The following GCC2 variants were observed in gnomAD, a reference collection of about 807,000 sequenced individuals.
GCC2 encodes the protein GRIP and coiled-coil domain containing 2.
Under a neutral mutation model 210.6 loss-of-function variants are expected in GCC2, and 120 were observed. The observed-to-expected ratio is 0.57, with a 90% CI of 0.49 to 0.66. The LOEUF (loss-of-function observed/expected upper bound fraction) is 0.66, where lower values mean the gene tolerates loss of function less well. GCC2 is among the 30% of genes least tolerant of loss of function. The pLI, the probability that GCC2 is intolerant of heterozygous loss-of-function variation, is 0.00. For synonymous variants in GCC2, 703 were observed against 652.7 expected, an observed-to-expected ratio of 1.08 and a Z score of -1.17; for missense variants, 1,868 against 1,871.9, an observed-to-expected ratio of 1.00 and a Z score of 0.04.
At chr2:108,450,910 G>A in intron 2 of GCC2, 118 bp from the exon 3 acceptor site, 1 of 678,012 alleles carries the variant, frequency 1.5e-6, no homozygotes, top group Non-Finnish European at 2.6e-6. Flanking sequence ...AAAGTATGCG[G>A]TTGGCATAAA....
intron 22 of GCC2, among the ~76,000 whole-genome samples, chr2:108,506,928 T>G (rs995864781): frequency 5.3e-5 from 8 of 152,068 alleles, no homozygotes; most frequent in Non-Finnish European, 1.0e-4. Flanking sequence ...CATTTCTGCA[T>G]GATTTTCATA....
In GCC2 at chr2:108,490,709, T is replaced by C. The variant is rs115335625; in HGVS notation, c.4229+695T>C. Among the ~76,000 whole-genome samples, 800 of 152,356 alleles carry C rather than the reference T, an allele frequency of 5.3e-3. 7 individuals are homozygous for C. The highest frequency in any genetic ancestry group is 0.018 in the African/African-American group (751 of 41,586). On this transcript the variant is annotated intron_variant, in intron 18 of 22. Coordinates refer to ENST00000309863, the MANE Select transcript of GCC2 (RefSeq NM_181453.4). ...AACAGTGTAATTTGCATGTTAATCATGTAAACCAAAAGTTTCAGGGAAGAT... is the reference window on the plus strand; with the variant it reads ...AACAGTGTAATTTGCATGTTAATCACGTAAACCAAAAGTTTCAGGGAAGAT...
At position 108,492,653 on chromosome 2, in the gene GCC2, A is replaced by G. The variant is rs1682462658; in HGVS notation, c.4310A>G (p.Glu1437Gly). 1.2e-6 allele frequency: 2 copies of G among 1,613,824 alleles called. No homozygotes were observed. Among genetic ancestry groups the G allele is most frequent in the East Asian group, 4.5e-5 (2 of 44,876 alleles). ...QTVSQLTSQNEVLRNSFRDQV... is the reference protein window; with the variant it reads ...QTVSQLTSQNGVLRNSFRDQV... ...GTGAGTCAGCTAACATCCCAGAACG[A>G]GGTCCTTCGAAATAGCTTCCGAGAT... Residue 1437 changes from glutamate to glycine, a missense_variant, in exon 19 of 23, where the codon GAG becomes GGG. Glu to Gly is a moderately conservative substitution (Grantham distance 98, BLOSUM62 -2). Around this residue, in one of 3 missense-constraint regions of GCC2, gnomAD observed 1,847 missense variants for 1,765.2 expected, o/e 1.05. Coordinates refer to ENST00000309863, the MANE Select transcript of GCC2 (RefSeq NM_181453.4).
rs777248644 is a variant in GCC2, at chr2:108,481,826, TAATA to T, written c.3180+14_3180+17del. 7.1e-6 allele frequency: 11 copies of T among 1,540,178 alleles called. No homozygotes were observed. The highest frequency in any genetic ancestry group is 4.2e-5 in the African/African-American group (3 of 71,628). On this transcript the variant is annotated intron_variant, in intron 10 of 22. Transcript: ENST00000309863. ...AAATTCGACTTTGCAGGTAATTTTT[TAATA>T]AATCCAAAAATGAAAACTATAACAG...
At chr2:108,487,131 A>G (rs1192015406) in intron 16 of GCC2, among the ~76,000 whole-genome samples, 1 of 152,200 alleles carries the variant, frequency 6.6e-6, no homozygotes, top group East Asian at 1.9e-4. Flanking sequence ...CTAGAACTTA[A>G]CACTTAACCA....
At position 108,471,321 on chromosome 2, in the gene GCC2, A is replaced by G. The variant is rs576244953; in HGVS notation, c.1992A>G (p.Gln664=). 6.0e-5 allele frequency: 97 copies of G among 1,611,956 alleles called. No homozygotes were observed. In the South Asian group the frequency reaches 1.0e-3, roughly 17 times the overall value. ...TAAAAGAAAAGGATCAAAATGACCAAAAACTAGAAAAACTTATGGTTCAAA... is the reference window on the plus strand; with the variant it reads ...TAAAAGAAAAGGATCAAAATGACCAGAAACTAGAAAAACTTATGGTTCAAA... ...ETLKEKDQND[Q]KLEKLMVQMK... Residue 664 remains glutamine (Q), a synonymous_variant, in exon 6 of 23, where the codon CAA becomes CAG. Coordinates refer to ENST00000309863, the MANE Select transcript of GCC2 (RefSeq NM_181453.4).
Position 108,489,827 on chromosome 2 carries a change from T to G in GCC2, c.4053-11T>G, listed in dbSNP as rs1278158453. 13 of 1,577,094 alleles carry G rather than the reference T, an allele frequency of 8.2e-6. No homozygotes were observed. Among genetic ancestry groups the G allele is most frequent in the South Asian group, 5.8e-5 (5 of 85,558 alleles). ...TTCAAAAAATTTTAAAACTGTGTAT[T>G]TCTGTTTTAGGGAACATCTGGAAAT... On this transcript the variant is annotated splice_polypyrimidine_tract_variant and intron_variant, in intron 17 of 22. Coordinates refer to ENST00000309863, the MANE Select transcript of GCC2 (RefSeq NM_181453.4).
chr2:108,456,046 A>G (rs529138428), intron 4 of GCC2, among the ~76,000 whole-genome samples: 53 of 151,766 alleles, frequency 3.5e-4, no homozygotes, highest in Non-Finnish European at 5.7e-4. Flanking sequence ...GTGCAGTGGC[A>G]TGATCTTGGC....
chr2:108,470,532 T>A lies in GCC2; in HGVS notation c.1203T>A (p.Ile401=), dbSNP rs1326973625. Residue 401 remains isoleucine (I), a synonymous_variant, in exon 6 of 23, where the codon ATT becomes ATA. Coordinates refer to ENST00000309863, the MANE Select transcript of GCC2 (RefSeq NM_181453.4). The part of the protein sequence containing the change: ...LLAKEEQGCV[I]EKLKSELAGL... Reference sequence around the variant, plus strand: ...CTAAAGAAGAACAGGGCTGTGTAATTGAAAAATTAAAATCTGAGCTAGCAG... The same window carrying A: ...CTAAAGAAGAACAGGGCTGTGTAATAGAAAAATTAAAATCTGAGCTAGCAG... 1 of 1,606,262 alleles carries A rather than the reference T, an allele frequency of 6.2e-7. No individual in the cohort carries two copies. Among genetic ancestry groups the A allele is most frequent in the African/African-American group, 1.3e-5 (1 of 74,424 alleles).
At position 108,464,367 on chromosome 2, in the gene GCC2, G is replaced by C. The variant is rs114539745; in HGVS notation, c.217-4613G>C. ...TGCTGCCACCTCAGCCCAGGTTGCCGGGCAAGACATAATCCAGTGGAGTGG... is the reference window on the plus strand; with the variant it reads ...TGCTGCCACCTCAGCCCAGGTTGCCCGGCAAGACATAATCCAGTGGAGTGG... On this transcript the variant is annotated intron_variant, in intron 4 of 22. Transcript: ENST00000309863. 7.9e-3 allele frequency among the ~76,000 whole-genome samples: 1,208 copies of C among 152,300 alleles called. 16 individuals carry two copies. The highest frequency in any genetic ancestry group is 0.028 in the African/African-American group (1,146 of 41,568).
chr2:108,464,893 G>A lies in GCC2; in HGVS notation c.217-4087G>A, dbSNP rs537726398. Among the ~76,000 whole-genome samples, 4 of 152,278 alleles carry A rather than the reference G, an allele frequency of 2.6e-5. No homozygotes were observed. In the South Asian group the frequency reaches 8.3e-4, roughly 32 times the overall value. On this transcript the variant is annotated intron_variant, in intron 4 of 22. Transcript: ENST00000309863. ...TGGCTTCTAGGGAGGCCTCCAGGAG[G>A]TTTTATTTATGGCAGAAGGCAAAGG...
chr2:108,473,341 AG>A (rs1558742761), intron 7 of GCC2: 1 of 150,726 alleles, frequency 6.6e-6, no homozygotes, highest in Non-Finnish European at 1.5e-5. Context: ...AGCGTAGAAT[AG>A]GGTTTTCAGC....
chr2:108,471,675 C>G lies in GCC2; in HGVS notation c.2346C>G (p.Val782=). The G allele has an allele frequency of 1.9e-6, 3 of 1,613,418 alleles. No homozygotes were observed. Among genetic ancestry groups the G allele is most frequent in the Non-Finnish European group, 2.5e-6 (3 of 1,179,544 alleles). ...GTGAAGAGAAAGATGTTGTTAATGT[C>G]CTACAGGCAGTCGGTGAATCCTTGG... ...EDSEEKDVVN[V]LQAVGESLAK... Residue 782 remains valine (V), a synonymous_variant, in exon 6 of 23, where the codon GTC becomes GTG. Transcript: ENST00000309863.
chr2:108,482,023 GTTGT>G (rs147708039), intron 10 of GCC2, among the ~76,000 whole-genome samples: 1,530 of 152,244 alleles, frequency 0.01, 12 homozygotes, highest in Non-Finnish European at 0.013. Flanking sequence ...CCCCTAGAGG[GTTGT>G]TTGTTTGTTT....
In GCC2 at chr2:108,495,802, G is replaced by A. The variant is rs143445753; in HGVS notation, c.4642+317G>A. ...GGAGTGTGATGTTCAAGGGCAGGAA[G>A]CATCCAGCACAGGAGAAAGATGTAG... On this transcript the variant is annotated intron_variant, in intron 20 of 22. Transcript: ENST00000309863. 560 of 185,416 alleles carry A rather than the reference G, an allele frequency of 3.0e-3. 4 individuals are homozygous for A. The highest frequency in any genetic ancestry group is 7.3e-3 in the Admixed American group (125 of 17,210). 11.5% of individuals were successfully genotyped at this position (185,416 alleles called of 1,614,324 possible).
Position 108,495,284 on chromosome 2 carries a change from C to T in GCC2, c.4448-7C>T, listed in dbSNP as rs902391415. ...CTCACACTTAACCTTTTAAAAAAAT[C>T]TAATAGGCCCAGTTTCCTCTCAACA... On this transcript the variant is annotated splice_polypyrimidine_tract_variant and splice_region_variant and intron_variant, in intron 19 of 22. Coordinates refer to ENST00000309863, the MANE Select transcript of GCC2 (RefSeq NM_181453.4). 6.4e-7 allele frequency: 1 copy of T among 1,568,146 alleles called. No individual in the cohort carries two copies. Among genetic ancestry groups the T allele is most frequent in the Non-Finnish European group, 8.6e-7 (1 of 1,160,754 alleles).
At chr2:108,469,362 C>A (rs1244172994) in intron 5 of GCC2, 1 of 427,820 alleles carries the variant, frequency 2.3e-6, no homozygotes, top group Non-Finnish European at 4.1e-6. Context: ...TGACTAAATA[C>A]CATTATCTCT....
At position 108,451,606 on chromosome 2, in the gene GCC2, C is replaced by T. The variant is rs551642914; in HGVS notation, c.148+494C>T. ...TCCAGAAGGAAAAAGATCTTAGCAC[C>T]TTTTTTTTTTAGTATATGTACATGA... On this transcript the variant is annotated intron_variant, in intron 3 of 22. Coordinates refer to ENST00000309863, the MANE Select transcript of GCC2 (RefSeq NM_181453.4). Among the ~76,000 whole-genome samples the T allele has an allele frequency of 8.7e-5, 13 of 149,542 alleles. 1 individual carries two copies. The South Asian group carries it at 2.7e-3, about 32-fold the overall frequency.
In GCC2 at chr2:108,475,854, A is replaced by G. The variant is rs779081855; in HGVS notation, c.3060+4A>G. On this transcript the variant is annotated splice_donor_region_variant and intron_variant, in intron 9 of 22. Transcript: ENST00000309863. ...TCAAGGAGCAGAAAGCTATAAGGTA[A>G]AAAATAGTCATTTTAATAACAAGTT... is the stretch of plus-strand genomic sequence containing the variant. 2 of 1,444,126 alleles carry G rather than the reference A, an allele frequency of 1.4e-6. No individual in the cohort carries two copies. Among genetic ancestry groups the G allele is most frequent in the South Asian group, 2.4e-5 (2 of 81,878 alleles). 89.5% of individuals were successfully genotyped at this position (1,444,126 alleles called of 1,614,324 possible). A position where few individuals can be genotyped will look rare whatever the true frequency, so the allele number is the denominator to read the frequency against.
Sources: gnomAD v4.1 joint callset for allele counts (sites outside exome capture counted in the v4.1 genomes callset) on GRCh38, gnomAD v4.1.1 for gene constraint, gnomAD v4.1.1 regional missense constraint, MANE v1.5 for transcripts, NCBI Gene and HGNC (gene_info 2026-07-23, HGNC 2026-07-21) for gene names.